Variants in RAP1GAP observed in about 807,000 individuals in gnomAD.
RAP1GAP encodes the protein RAP1 GTPase activating protein.
A neutral mutation model predicts 87.2 loss-of-function variants in RAP1GAP; 35 were observed. The observed-to-expected ratio is 0.40, with a 90% CI of 0.31 to 0.53. The LOEUF is 0.53. Among genes scored for constraint, RAP1GAP ranks in the 20% least tolerant of loss-of-function variants. RAP1GAP has a pLI of 0.48. For missense variants in RAP1GAP, 734 were observed against 898.9 expected, an observed-to-expected ratio of 0.82 and a Z score of 2.35; for synonymous variants, 375 against 363.9, an observed-to-expected ratio of 1.03 and a Z score of -0.35.
rs200569406 is a variant in RAP1GAP at position 21,611,586 on chromosome 1, C to T, written c.714-5G>A. 6.9e-5 allele frequency: 111 copies of T among 1,614,112 alleles called. No homozygotes were observed. In the African/African-American group the frequency reaches 1.2e-3, roughly 18 times the overall value. ...ACGTCCAGGCCTCCTCGGAACCTGC[C>T]CCGGGGCCCCCCAGGCCACGCCTCA... is the stretch of plus-strand genomic sequence containing the variant. On this transcript the variant is annotated splice_polypyrimidine_tract_variant and splice_region_variant and intron_variant, in intron 12 of 24. Coordinates refer to ENST00000374765, the MANE Select transcript of RAP1GAP (RefSeq NM_002885.4).
intron 2 of RAP1GAP, among the ~76,000 whole-genome samples, chr1:21,643,734 C>A (rs1184897028): frequency 2.6e-5 from 4 of 152,146 alleles, no homozygotes; most frequent in Non-Finnish European, 5.9e-5. Flanking sequence ...CATCCCCCTG[C>A]GCATACACTC....
chr1:21,621,467 A>G (rs1451746509), intron 3 of RAP1GAP, among the ~76,000 whole-genome samples: 3 of 152,250 alleles, frequency 2.0e-5, no homozygotes, highest in Non-Finnish European at 4.4e-5. Flanking sequence ...ATAAATGTGC[A>G]CACTGTGAGG....
At position 21,651,763 on chromosome 1, in the gene RAP1GAP, C is replaced by G. The variant is rs1412372837; in HGVS notation, c.-148-1967G>C. The G allele has an allele frequency of 2.0e-5, 29 of 1,447,046 alleles. No individual in the cohort carries two copies. The East Asian group carries it at 7.6e-4, about 38-fold the overall frequency. 89.6% of individuals were successfully genotyped at this position (1,447,046 alleles called of 1,614,324 possible). A position where few individuals can be genotyped will look rare whatever the true frequency, so the allele number is the denominator to read the frequency against. ...ACGCGCGCACGCGCCCCGCCCCGCG[C>G]CGCGCCACGCCCTACCCGCCGTAGG... is the stretch of plus-strand genomic sequence containing the variant. On this transcript the variant is annotated intron_variant, in intron 1 of 24. Transcript: ENST00000374765.
intron 3 of RAP1GAP, among the ~76,000 whole-genome samples, chr1:21,625,923 G>A (rs2091835827): frequency 6.6e-6 from 1 of 152,186 alleles, no homozygotes; most frequent in Admixed American, 6.5e-5. Context: ...CGCCCTGTCT[G>A]TACTTTGCAG....
Position 21,634,513 on chromosome 1 carries a change from C to T in RAP1GAP, c.-112-8116G>A, listed in dbSNP as rs1178101018. On this transcript the variant is annotated intron_variant, in intron 2 of 24. Coordinates refer to ENST00000374765, the MANE Select transcript of RAP1GAP (RefSeq NM_002885.4). This position sits in a 1 kb window ranked among gnomAD's most constrained non-coding sequence, Gnocchi z 4.1. ...CCTCAACAGCTACCAAGTGACAGAG[C>T]TGGCAGGGTCCCCCTGGGGGTGTGG... Among the ~76,000 whole-genome samples, 6 of 152,230 alleles carry T rather than the reference C, an allele frequency of 3.9e-5. No individual in the cohort carries two copies. Among genetic ancestry groups the T allele is most frequent in the Admixed American group, 2.6e-4 (4 of 15,284 alleles).
chr1:21,644,975 T>C (rs2095894460), intron 2 of RAP1GAP, among the ~76,000 whole-genome samples: 1 of 151,464 alleles, frequency 6.6e-6, no homozygotes, highest in Non-Finnish European at 1.5e-5. Context: ...TGTTTCCTTG[T>C]CTATTTACTT....
intron 2 of RAP1GAP, among the ~76,000 whole-genome samples, chr1:21,631,331 G>C (rs1558781691): frequency 1.3e-5 from 2 of 152,186 alleles, no homozygotes; most frequent in East Asian, 3.8e-4. Context: ...GGTCACATCT[G>C]TGCAGCACCC....
At chr1:21,626,515 G>A (rs1207421719) in intron 2 of RAP1GAP, 118 bp from the exon 3 acceptor site, 15 of 809,202 alleles carry the variant, frequency 1.9e-5, no homozygotes, top group African/African-American at 8.4e-5. Flanking sequence ...CGGAGGAGAG[G>A]GTCATGGGTT....
chr1:21,651,960 C>T (rs2096610269), intron 1 of RAP1GAP: 2 of 746,748 alleles, frequency 2.7e-6, no homozygotes, highest in Non-Finnish European at 3.3e-6. Context: ...GGGCCGCGGT[C>T]CAGCTGCCGG....
At chr1:21,601,028 T>TTA (rs2067961380) in intron 20 of RAP1GAP, among the ~76,000 whole-genome samples, 1 of 150,548 alleles carries the variant, frequency 6.6e-6, no homozygotes, top group Non-Finnish European at 1.5e-5. Flanking sequence ...TACTCTTTTT[T>TTA]TTTTTTTTAA....
chr1:21,665,142 C>T, intron 1 of RAP1GAP: 1 of 412,472 alleles, frequency 2.4e-6, no homozygotes. Flanking sequence ...GAAACATACT[C>T]ATCAGGCAAG....
rs200716218 is a variant in RAP1GAP at position 21,613,611 on chromosome 1, C to G, written c.474+17G>C. ...TGCGGAGCCAGCCCGGGAAGCTCAG[C>G]GGAGCGGAGACCTCACCTTTGCCAT... On this transcript the variant is annotated intron_variant, in intron 9 of 24. Coordinates refer to ENST00000374765, the MANE Select transcript of RAP1GAP (RefSeq NM_002885.4). This position sits in a 1 kb window ranked among gnomAD's most constrained non-coding sequence, Gnocchi z 4.7. The G allele has an allele frequency of 2.3e-4, 366 of 1,603,372 alleles. No individual in the cohort carries two copies. In the African/African-American group the frequency reaches 4.3e-3, roughly 19 times the overall value.
At chr1:21,600,741 T>C (rs1385997593) in intron 20 of RAP1GAP, among the ~76,000 whole-genome samples, 1 of 151,682 alleles carries the variant, frequency 6.6e-6, no homozygotes, top group Non-Finnish European at 1.5e-5. Context: ...AAAAATTAGA[T>C]GGGCATGGTG....
chr1:21,598,425 G>A lies in RAP1GAP; in HGVS notation c.1854C>T (p.Ser618=), dbSNP rs1240696362. ...IYSTWLEDSV[S]TTSGGSSPGP... is the part of the protein sequence containing the mutation. ...CTGGGGAGCTGCCCCCACTAGTGGT[G>A]CTGACACTGTCCTCCAGCCACGTGC... Residue 618 remains serine, a synonymous_variant, in exon 22 of 25, where the codon AGC becomes AGT. Coordinates refer to ENST00000374765, the MANE Select transcript of RAP1GAP (RefSeq NM_002885.4). The A allele has an allele frequency of 6.2e-7, 1 of 1,613,914 alleles. No individual in the cohort carries two copies. Among genetic ancestry groups the A allele is most frequent in the Middle Eastern group, 1.7e-4 (1 of 6,056 alleles).
chr1:21,646,313 G>A (rs1359965368), intron 2 of RAP1GAP, among the ~76,000 whole-genome samples: 5 of 152,268 alleles, frequency 3.3e-5, no homozygotes, highest in South Asian at 2.1e-4. Flanking sequence ...ATCACTCCCC[G>A]CTCCTCCCTT....
chr1:21,667,114 T>C (rs2097385454), intron 1 of RAP1GAP, among the ~76,000 whole-genome samples: 1 of 151,126 alleles, frequency 6.6e-6, no homozygotes, highest in African/African-American at 2.4e-5. Flanking sequence ...CACATGCGGC[T>C]GCTCAGCAGC....
Position 21,598,054 on chromosome 1 carries a change from T to C in RAP1GAP, c.1890A>G (p.Arg630=). 1.4e-6 allele frequency: 2 copies of C among 1,452,888 alleles called. No homozygotes were observed. The highest frequency in any genetic ancestry group is 1.9e-6 in the Non-Finnish European group (2 of 1,057,278). The allele number at this position is 1,452,888 out of a possible 1,614,324, so 90.0% of individuals were successfully genotyped here. A position where few individuals can be genotyped will look rare whatever the true frequency, so the allele number is the denominator to read the frequency against. ...ACTTGCCGGCGTCTGGGTGGGGTGATCGAGAGGGGCCTGGGGAGGGGGGCA... is the reference window on the plus strand; with the variant it reads ...ACTTGCCGGCGTCTGGGTGGGGTGACCGAGAGGGGCCTGGGGAGGGGGGCA... The part of the protein sequence containing the change: ...TSGGSSPGPS[R]SPHPDAGKLG... The change falls in exon 23 of 25, where the codon CGA becomes CGG. Residue 630 remains arginine, a synonymous_variant. Coordinates refer to ENST00000374765, the MANE Select transcript of RAP1GAP (RefSeq NM_002885.4).
rs568908579 is a variant in RAP1GAP at position 21,649,849 on chromosome 1, T to C, written c.-148-53A>G. 11 of 1,530,592 alleles carry C rather than the reference T, an allele frequency of 7.2e-6. No individual in the cohort carries two copies. The South Asian group carries it at 9.6e-5, about 13-fold the overall frequency. 94.8% of individuals were successfully genotyped at this position (1,530,592 alleles called of 1,614,324 possible). On this transcript the variant is annotated intron_variant, in intron 1 of 24. Transcript: ENST00000374765. The stretch of plus-strand genomic sequence containing the variant: ...TGAGGGGACATCCCTTCTCACCAGC[T>C]TGGCCCAGCATATCACACCCACCTG...
At chr1:21,597,552 G>T in intron 24 of RAP1GAP, 134 bp downstream of exon 24, 1 of 908,550 alleles carries the variant, frequency 1.1e-6, no homozygotes, top group South Asian at 1.9e-5. Flanking sequence ...CAGCAACTGA[G>T]GACCAGGGGG....
Sources: allele counts gnomAD v4.1 joint callset (sites outside exome capture counted in the v4.1 genomes callset), GRCh38; gene constraint gnomAD v4.1.1; non-coding constraint Gnocchi (gnomAD v3.1); transcripts MANE v1.5; gene names NCBI Gene and HGNC (gene_info 2026-07-23, HGNC 2026-07-21).